Variants in SP3 observed in about 807,000 individuals in gnomAD.
The protein encoded by SP3 is Sp3 transcription factor.
Under a neutral mutation model 70.3 loss-of-function variants are expected in SP3, and 10 were observed. The ratio of observed to expected loss-of-function variants is 0.14; its 90% CI spans 0.09 to 0.24. The LOEUF (loss-of-function observed/expected upper bound fraction) is 0.24. Ranked by LOEUF, SP3 falls within the 10% of genes least tolerant of loss-of-function variation. The probability of loss-of-function intolerance (pLI) is 1.00; values close to 1 mark genes in which losing one functional copy is unlikely to be tolerated. For missense variants in SP3, 825 were observed against 914.6 expected (o/e 0.90, Z 1.26); for synonymous variants, 402 against 333.5 (o/e 1.21, Z -2.24).
At chr2:173,933,388 G>A (rs1444580982) in intron 4 of SP3, among the ~76,000 whole-genome samples, 1 of 151,878 alleles carries the variant, frequency 6.6e-6, no homozygotes, top group Non-Finnish European at 1.5e-5. Context: ...ACAGAGCAGG[G>A]CAAAATTAAG....
At chr2:173,939,949 T>C (rs1158638438) in intron 4 of SP3, among the ~76,000 whole-genome samples, 1 of 152,150 alleles carries the variant, frequency 6.6e-6, no homozygotes, top group Non-Finnish European at 1.5e-5. Flanking sequence ...CATAACTCAC[T>C]GTAGGCTTGA....
intron 3 of SP3, among the ~76,000 whole-genome samples, chr2:173,961,832 T>G (rs1691089769): frequency 6.6e-6 from 1 of 152,226 alleles, no homozygotes; most frequent in Admixed American, 6.5e-5. Flanking sequence ...TTTAGCAAAT[T>G]TTCTATTTGC....
chr2:173,936,587 T>C (rs1163631729), intron 4 of SP3, among the ~76,000 whole-genome samples: 1 of 152,148 alleles, frequency 6.6e-6, no homozygotes, highest in Non-Finnish European at 1.5e-5. Context: ...CCAAAGTAGT[T>C]CCTCACAAGT....
At chr2:173,917,415 T>C (rs994993424) in intron 5 of SP3, among the ~76,000 whole-genome samples, 4 of 151,988 alleles carry the variant, frequency 2.6e-5, no homozygotes, top group African/African-American at 9.7e-5. Flanking sequence ...GGCTCTGGAG[T>C]AAAACTAGGT....
intron 4 of SP3, among the ~76,000 whole-genome samples, chr2:173,919,050 T>C (rs1317789605): frequency 6.6e-6 from 1 of 152,202 alleles, no homozygotes; most frequent in Non-Finnish European, 1.5e-5. Flanking sequence ...AATGCTTCAC[T>C]CAAAGTTCTC....
At position 173,918,793 on chromosome 2, in the gene SP3, G is replaced by GA. The variant is rs771502504; in HGVS notation, c.1640-9dup. 7.0e-4 allele frequency: 1,086 copies of GA among 1,547,574 alleles called. 1 individual carries two copies. The highest frequency in any genetic ancestry group is 3.1e-3 in the African/African-American group (223 of 71,042). On this transcript the variant is annotated splice_polypyrimidine_tract_variant and intron_variant, in intron 4 of 6. Transcript: ENST00000310015. ...CTTCCTTGATCCTAATATCTAAAGG[G>GA]AAAAAAAAACCAAATACAGATGAGA...
chr2:173,902,647 G>C lies in SP3; in HGVS notation c.*7294C>G, dbSNP rs1271797982. On this transcript the variant is annotated 3_prime_UTR_variant, in exon 7 of 7. Transcript: ENST00000310015. ...CTACAGCATTTAAATGAATGATTTA[G>C]AGAAAGATGGTAGTGTGGATACATC... Among the ~76,000 whole-genome samples, 4 of 152,248 alleles carry C rather than the reference G, an allele frequency of 2.6e-5. No individual in the cohort carries two copies. The highest frequency in any genetic ancestry group is 2.6e-4 in the Admixed American group (4 of 15,290).
At chr2:173,918,120 C>T (rs1349781483) in intron 5 of SP3, among the ~76,000 whole-genome samples, 1 of 151,676 alleles carries the variant, frequency 6.6e-6, no homozygotes, top group Admixed American at 6.6e-5. Context: ...TTAATGTTTA[C>T]CTTTAAAAAG....
intron 5 of SP3, chr2:173,916,558 A>C (rs1258991886): frequency 6.6e-6 from 1 of 152,064 alleles, no homozygotes; most frequent in East Asian, 1.9e-4. Flanking sequence ...TAACATCCCC[A>C]AAAATGTTCA....
In SP3 at chr2:173,907,648, TCTA is replaced by T. The variant is rs1207422461; in HGVS notation, c.*2290_*2292del. Reference sequence around the variant, plus strand: ...AAAATCCAGTATTACTTAAAACATCTCTACTATCATTCAAATGGTTTAATCTGA... The same window carrying T: ...AAAATCCAGTATTACTTAAAACATCTCTATCATTCAAATGGTTTAATCTGA... On this transcript the variant is annotated 3_prime_UTR_variant, in exon 7 of 7. Transcript: ENST00000310015. 1.3e-5 allele frequency: 2 copies of T among 152,110 alleles called. No individual in the cohort carries two copies. Among genetic ancestry groups the T allele is most frequent in the Admixed American group, 6.6e-5 (1 of 15,262 alleles). 9.4% of individuals were successfully genotyped at this position (152,110 alleles called of 1,614,324 possible).
Position 173,933,775 on chromosome 2 carries a change from C to CA in SP3, c.1640-14991dup, listed in dbSNP as rs374484710. 1.1e-3 allele frequency among the ~76,000 whole-genome samples: 168 copies of CA among 150,972 alleles called. 2 individuals are homozygous for CA. Among genetic ancestry groups the CA allele is most frequent in the African/African-American group, 3.9e-3 (160 of 41,208 alleles). On this transcript the variant is annotated intron_variant, in intron 4 of 6. Coordinates refer to ENST00000310015, the MANE Select transcript of SP3 (RefSeq NM_003111.5). ...CTTTTGCTCTGATATAACCCTGCTT[C>CA]AAAAAGCAAATGAAATGATAAAGTG...
rs779008205 is a variant in SP3 at position 173,910,162 on chromosome 2, T to C, written c.2125A>G (p.Ile709Val). The change falls in exon 7 of 7, where the codon ATT (isoleucine) becomes GTT (valine). Residue 709 changes from isoleucine to valine, a missense_variant. Physicochemically the swap from Ile to Val is conservative, Grantham distance 29. Transcript: ENST00000310015. Reference sequence around the variant, plus strand: ...GCCAGCACTGTACTGCTAGAGTGAATACCTTTTTTATTCTGGTGTGTTTTA... The same window carrying C: ...GCCAGCACTGTACTGCTAGAGTGAACACCTTTTTTATTCTGGTGTGTTTTA... ...HIKTHQNKKGIHSSSTVLASV... is the reference protein window; with the variant it reads ...HIKTHQNKKGVHSSSTVLASV... 11 of 1,613,874 alleles carry C rather than the reference T, an allele frequency of 6.8e-6. No individual in the cohort carries two copies. Among genetic ancestry groups the C allele is most frequent in the Non-Finnish European group, 8.5e-6 (10 of 1,179,906 alleles).
At chr2:173,958,895 A>G (rs1373236392) in intron 3 of SP3, among the ~76,000 whole-genome samples, 2 of 152,160 alleles carry the variant, frequency 1.3e-5, no homozygotes, top group South Asian at 2.1e-4. Flanking sequence ...TTGCAGGGGC[A>G]TAAGAATCAG....
Position 173,948,976 on chromosome 2 carries a change from A to G in SP3, c.1639+5897T>C, listed in dbSNP as rs867121523. ...ATAAACCATCCTCAGGTTATTTTTG[A>G]TAAGACAACTTTAAAGTCTACAGAA... On this transcript the variant is annotated intron_variant, in intron 4 of 6. Transcript: ENST00000310015. Among the ~76,000 whole-genome samples the G allele has an allele frequency of 3.9e-5, 6 of 152,330 alleles. No homozygotes were observed. The Middle Eastern group carries it at 0.01, about 259-fold the overall frequency.
chr2:173,942,703 T>A (rs577520048), intron 4 of SP3, among the ~76,000 whole-genome samples: 7 of 152,248 alleles, frequency 4.6e-5, no homozygotes, highest in South Asian at 4.1e-4. Context: ...TCATTTCAGA[T>A]TTAACAAAGC....
intron 4 of SP3, among the ~76,000 whole-genome samples, chr2:173,921,144 A>T (rs970915668): frequency 3.3e-5 from 5 of 152,208 alleles, no homozygotes; most frequent in African/African-American, 1.2e-4. Flanking sequence ...TATAAATTAA[A>T]TATTTTAACG....
chr2:173,936,761 C>G (rs998569224), intron 4 of SP3, among the ~76,000 whole-genome samples: 3 of 151,938 alleles, frequency 2.0e-5, no homozygotes, highest in African/African-American at 7.3e-5. Context: ...ATCTTACGAA[C>G]CATTTTTGGA....
intron 4 of SP3, among the ~76,000 whole-genome samples, chr2:173,930,646 C>T (rs1690042271): frequency 6.6e-6 from 1 of 152,202 alleles, no homozygotes; most frequent in Non-Finnish European, 1.5e-5. Context: ...TTCCAAGTTA[C>T]TGCACGTTAA....
chr2:173,920,598 T>TTTAC (rs911012084), intron 4 of SP3, among the ~76,000 whole-genome samples: 1 of 151,764 alleles, frequency 6.6e-6, no homozygotes, highest in East Asian at 1.9e-4. Flanking sequence ...TCTTTAAAAA[T>TTTAC]TTATTTATTT....
Sources: allele counts gnomAD v4.1 joint callset (sites outside exome capture counted in the v4.1 genomes callset), GRCh38; gene constraint gnomAD v4.1.1; transcripts MANE v1.5; gene names NCBI Gene and HGNC (gene_info 2026-07-23, HGNC 2026-07-21).